SAMD3: variants seen among roughly 807,000 people sequenced by gnomAD.
The protein encoded by SAMD3 is sterile alpha motif domain containing 3.
SAMD3 carries 63 observed loss-of-function variants against 58.5 expected under a neutral mutation model. That is an observed-to-expected ratio of 1.08 (90% CI 0.88 to 1.33). The LOEUF (loss-of-function observed/expected upper bound fraction) is 1.33. SAMD3 is among the 40% of genes most tolerant of loss of function. The probability of loss-of-function intolerance (pLI) is 0.00; values close to 1 mark genes in which losing one functional copy is unlikely to be tolerated. For missense variants in SAMD3, 604 were observed against 608.4 expected, an observed-to-expected ratio of 0.99 and a Z score of 0.08; for synonymous variants, 220 against 210.3, an observed-to-expected ratio of 1.05 and a Z score of -0.40.
At chr6:130,157,112 TAA>T (rs1491481910) in intron 8 of SAMD3, among the ~76,000 whole-genome samples, 1 of 133,590 alleles carries the variant, frequency 7.5e-6, no homozygotes, top group East Asian at 2.1e-4. Flanking sequence ...AATAAATAAA[TAA>T]ATAATAAAAT....
At chr6:130,364,813 C>G (rs1293742417) in intron 1 of SAMD3, among the ~76,000 whole-genome samples, 1 of 152,110 alleles carries the variant, frequency 6.6e-6, no homozygotes, top group East Asian at 1.9e-4. Flanking sequence ...TTTCTACAGT[C>G]TCTTCTCATT....
chr6:130,352,844 G>C (rs1026071647), intron 1 of SAMD3, among the ~76,000 whole-genome samples: 1 of 152,126 alleles, frequency 6.6e-6, no homozygotes, highest in African/African-American at 2.4e-5. Flanking sequence ...TTATATTAAT[G>C]AGCTTTAGCT....
chr6:130,177,981 C>CTT (rs112360389), intron 7 of SAMD3, among the ~76,000 whole-genome samples: 3 of 146,586 alleles, frequency 2.0e-5, no homozygotes, highest in African/African-American at 7.5e-5. Context: ...CTCAACCCTT[C>CTT]TTTTTTTTTT....
intron 1 of SAMD3, among the ~76,000 whole-genome samples, chr6:130,322,540 G>C (rs1331322416): frequency 6.6e-6 from 1 of 152,190 alleles, no homozygotes; most frequent in Non-Finnish European, 1.5e-5. Flanking sequence ...GGAGGCTGAG[G>C]CAGGAGAATC....
intron 8 of SAMD3, among the ~76,000 whole-genome samples, chr6:130,166,671 A>G (rs1790761097): frequency 6.6e-6 from 1 of 152,228 alleles, no homozygotes; most frequent in South Asian, 2.1e-4. Context: ...ACTGCAGTCT[A>G]CAAATCAACA....
At chr6:130,304,881 T>C (rs62433907) in intron 2 of SAMD3, among the ~76,000 whole-genome samples, 25,329 of 151,406 alleles carry the variant, frequency 0.17, 2,381 homozygotes, top group East Asian at 0.36. Context: ...ATTTTAATGG[T>C]TTTTACTTAG....
chr6:130,247,410 T>A (rs1773585473), intron 2 of SAMD3, among the ~76,000 whole-genome samples: 1 of 149,868 alleles, frequency 6.7e-6, no homozygotes, highest in Non-Finnish European at 1.5e-5. Context: ...GAGGTTGCAG[T>A]GAGCCGAGAT....
At chr6:130,335,760 A>C (rs1286548087) in intron 1 of SAMD3, among the ~76,000 whole-genome samples, 1 of 152,148 alleles carries the variant, frequency 6.6e-6, no homozygotes, top group Non-Finnish European at 1.5e-5. Context: ...ACTTGGAACC[A>C]ACCCAAATGT....
At chr6:130,222,536 A>G (rs1247326242) in intron 1 of SAMD3, among the ~76,000 whole-genome samples, 158 bp downstream of exon 1, 1 of 152,238 alleles carries the variant, frequency 6.6e-6, no homozygotes, top group East Asian at 1.9e-4. Context: ...AGGCTGGGAA[A>G]GCATATACTA....
chr6:130,282,382 T>C (rs1448693180), intron 2 of SAMD3, among the ~76,000 whole-genome samples: 1 of 152,092 alleles, frequency 6.6e-6, no homozygotes, highest in African/African-American at 2.4e-5. Context: ...CATAGGCAAG[T>C]ATAAATGCAT....
At chr6:130,175,762 T>G (rs1562398104) in intron 8 of SAMD3, 79 bp downstream of exon 8, 2 of 935,468 alleles carry the variant, frequency 2.1e-6, no homozygotes, top group Non-Finnish European at 3.2e-6. Context: ...TTTAATTATT[T>G]TAAATGCTAT....
intron 2 of SAMD3, among the ~76,000 whole-genome samples, chr6:130,230,299 G>T (rs774901317): frequency 6.6e-6 from 1 of 152,182 alleles, no homozygotes; most frequent in African/African-American, 2.4e-5. Context: ...TGGGCAGGGG[G>T]ACTTTTTTGT....
intron 8 of SAMD3, among the ~76,000 whole-genome samples, chr6:130,169,093 G>A (rs1050089811): frequency 6.6e-6 from 1 of 152,076 alleles, no homozygotes; most frequent in African/African-American, 2.4e-5. Context: ...GGATTAATGA[G>A]CCACCATGCC....
chr6:130,351,506 G>T (rs1318946730), intron 1 of SAMD3, among the ~76,000 whole-genome samples: 1 of 152,178 alleles, frequency 6.6e-6, no homozygotes, highest in Non-Finnish European at 1.5e-5. Context: ...TCAGAGAAAT[G>T]CAGATCAAAA....
At chr6:130,244,226 A>AATTTGT in intron 2 of SAMD3, among the ~76,000 whole-genome samples, 1 of 152,302 alleles carries the variant, frequency 6.6e-6, no homozygotes, top group East Asian at 1.9e-4. Context: ...TTTAAAAGAC[A>AATTTGT]ATTTGTAGCC....
At chr6:130,196,453 C>G (rs1199123435) in intron 5 of SAMD3, among the ~76,000 whole-genome samples, 1 of 152,138 alleles carries the variant, frequency 6.6e-6, no homozygotes, top group Non-Finnish European at 1.5e-5. Context: ...GACGTTCACC[C>G]CATTTCCCCA....
chr6:130,259,168 G>A (rs1270897596), intron 2 of SAMD3, among the ~76,000 whole-genome samples: 2 of 152,192 alleles, frequency 1.3e-5, no homozygotes, highest in East Asian at 1.9e-4. Context: ...AAACCCTTAA[G>A]TTTTAGTCTG....
intron 5 of SAMD3, among the ~76,000 whole-genome samples, chr6:130,207,188 G>GA (rs1273898068): frequency 3.7e-5 from 5 of 134,238 alleles, no homozygotes; most frequent in Admixed American, 7.3e-5. Context: ...AAAAGAAAAA[G>GA]AAAAAAAAAG....
At chr6:130,208,518 C>A (rs936302068) in intron 5 of SAMD3, among the ~76,000 whole-genome samples, 12 of 152,130 alleles carry the variant, frequency 7.9e-5, no homozygotes, top group African/African-American at 2.9e-4. Flanking sequence ...AGCTCCGCCT[C>A]CTGAGAGATC....
Sources: gnomAD v4.1 joint callset for allele counts (sites outside exome capture counted in the v4.1 genomes callset) on GRCh38, gnomAD v4.1.1 for gene constraint, MANE v1.5 for transcripts, NCBI Gene and HGNC (gene_info 2026-07-23, HGNC 2026-07-21) for gene names.